The following KRT28 variants were observed in gnomAD, a reference collection of about 807,000 sequenced individuals.
KRT28 encodes keratin, type I cytoskeletal 28.
Under a neutral mutation model 48.1 loss-of-function variants are expected in KRT28, and 45 were observed. The observed-to-expected ratio is 0.94, with a 90% CI of 0.74 to 1.20. The LOEUF is 1.20. KRT28 is among the 50% of genes most tolerant of loss of function. The pLI is 0.00. For missense variants in KRT28, 571 were observed against 574.1 expected, an observed-to-expected ratio of 0.99 and a Z score of 0.06; for synonymous variants, 228 against 227.4, an observed-to-expected ratio of 1.00 and a Z score of -0.03.
chr17:40,792,321 G>T lies in KRT28; in HGVS notation c.*106C>A. 1.1e-6 allele frequency: 1 copy of T among 880,788 alleles called. No homozygotes were observed. Among genetic ancestry groups the T allele is most frequent in the Middle Eastern group, 3.5e-4 (1 of 2,870 alleles). 54.6% of individuals were successfully genotyped at this position (880,788 alleles called of 1,614,324 possible). ...CTAAGAAAACAGGTATTTTTGCTAA[G>T]TAATGTATCTTTAAAAGTAAAAAGT... On this transcript the variant is annotated 3_prime_UTR_variant, in exon 8 of 8. Transcript: ENST00000306658.
intron 1 of KRT28, 23 bp from the exon 2 acceptor site, chr17:40,799,022 A>C (rs7224150): frequency 0.21 from 280,897 of 1,338,022 alleles, 31,689 homozygotes; most frequent in Non-Finnish European, 0.23. Context: ...AAAACAGAGA[A>C]CACAACAAGT....
At chr17:40,794,178 G>A (rs1307639584) in intron 5 of KRT28, 132 bp from the exon 6 acceptor site, 3 of 1,063,154 alleles carry the variant, frequency 2.8e-6, no homozygotes, top group African/African-American at 3.2e-5. Context: ...ACAATCAAAT[G>A]GGAAAGAAAG....
At chr17:40,796,118 C>A (rs1054298760) in intron 5 of KRT28, among the ~76,000 whole-genome samples, 3 of 152,220 alleles carry the variant, frequency 2.0e-5, no homozygotes, top group Non-Finnish European at 4.4e-5. Context: ...TGGCTCACTG[C>A]ACTCACTTGG....
rs1904558896 is a variant in KRT28, at chr17:40,794,196, G to A, written c.979-150C>T. ...ATCAAATGGGAAAGAAAGGAGGCTG[G>A]CATTTATGAAGTGAGGGCCAGGCAT... On this transcript the variant is annotated intron_variant, in intron 5 of 7. Transcript: ENST00000306658. The A allele has an allele frequency of 2.1e-5, 20 of 975,514 alleles. No homozygotes were observed. In the South Asian group the frequency reaches 3.3e-4, roughly 16 times the overall value. 60.4% of individuals were successfully genotyped at this position (975,514 alleles called of 1,614,324 possible). A position where few individuals can be genotyped will look rare whatever the true frequency, so the allele number is the denominator to read the frequency against.
rs200021509 is a variant in KRT28 at position 40,798,333 on chromosome 17, G to T, written c.592C>A (p.Arg198=). The T allele has an allele frequency of 6.2e-7, 1 of 1,613,130 alleles. No individual in the cohort carries two copies. Among genetic ancestry groups the T allele is most frequent in the Non-Finnish European group, 8.5e-7 (1 of 1,179,496 alleles). ...CAGAGCGTCAGCTCGTCCAGGACTC[G>T]CCGTAATCCGTTGATGTCGGCCTCT... The part of the protein sequence containing the change: ...NVEADINGLR[R]VLDELTLCRT... The change falls in exon 3 of 8, where the codon CGA becomes AGA. Residue 198 remains arginine (R), a synonymous_variant. Transcript: ENST00000306658.
chr17:40,797,066 C>A, intron 4 of KRT28, 25 bp from the exon 5 acceptor site: 1 of 1,610,182 alleles, frequency 6.2e-7, no homozygotes, highest in Non-Finnish European at 8.5e-7. Flanking sequence ...AAAAGGGTCA[C>A]ACGGAGTCCC....
chr17:40,793,882 G>C lies in KRT28; in HGVS notation c.1143C>G (p.Val381=). Reference sequence around the variant, plus strand: ...AGGTCTCAATTTCTTTTTCCAAGTGGACCTTGACATCGAGGAGATGCTCAT... The same window carrying C: ...AGGTCTCAATTTCTTTTTCCAAGTGCACCTTGACATCGAGGAGATGCTCAT... ...LEYEHLLDVK[V]HLEKEIETYC... Residue 381 remains valine (V), a synonymous_variant, in exon 6 of 8, where the codon GTC becomes GTG. Coordinates refer to ENST00000306658, the MANE Select transcript of KRT28 (RefSeq NM_181535.3). 6.2e-7 allele frequency: 1 copy of C among 1,613,836 alleles called. No homozygotes were observed.
At chr17:40,797,078 A>AC (rs779390617) in intron 4 of KRT28, 37 bp from the exon 5 acceptor site, 3 of 1,610,118 alleles carry the variant, frequency 1.9e-6, no homozygotes, top group Non-Finnish European at 2.5e-6. Context: ...CGGAGTCCCC[A>AC]CCCCCGGGGA....
chr17:40,797,071 A>T (rs1471321694), intron 4 of KRT28, 30 bp from the exon 5 acceptor site: 1 of 1,610,640 alleles, frequency 6.2e-7, no homozygotes, highest in South Asian at 1.1e-5. Flanking sequence ...GGTCACACGG[A>T]GTCCCCACCC....
chr17:40,799,101 T>G, intron 1 of KRT28, 102 bp from the exon 2 acceptor site: 1 of 711,884 alleles, frequency 1.4e-6, no homozygotes, highest in Non-Finnish European at 2.3e-6. Flanking sequence ...GCATAAAAAT[T>G]TCACCTCCTT....
intron 5 of KRT28, among the ~76,000 whole-genome samples, chr17:40,795,913 T>C (rs1319899192): frequency 2.0e-5 from 3 of 151,944 alleles, no homozygotes; most frequent in Non-Finnish European, 4.4e-5. Flanking sequence ...GAGCCCACAG[T>C]GGCAGGGGTG....
chr17:40,796,860 T>C, intron 5 of KRT28, 56 bp downstream of exon 5: 1 of 1,521,282 alleles, frequency 6.6e-7, no homozygotes, highest in African/African-American at 1.4e-5. Context: ...GAGGGAAGTG[T>C]TTCTCGGAGG....
chr17:40,797,107 G>C lies in KRT28; in HGVS notation c.852+13C>G. 2 of 1,613,156 alleles carry C rather than the reference G, an allele frequency of 1.2e-6. No homozygotes were observed. The highest frequency in any genetic ancestry group is 1.7e-4 in the Middle Eastern group (1 of 6,052). ...CCGGGGAGGTGTGAGCAGGGAGACGGGGCCCACCTCACCTTCTCATTGAAC... is the reference window on the plus strand; with the variant it reads ...CCGGGGAGGTGTGAGCAGGGAGACGCGGCCCACCTCACCTTCTCATTGAAC... On this transcript the variant is annotated intron_variant, in intron 4 of 7. Coordinates refer to ENST00000306658, the MANE Select transcript of KRT28 (RefSeq NM_181535.3).
chr17:40,794,898 A>G (rs558773381), intron 5 of KRT28, among the ~76,000 whole-genome samples: 1 of 152,316 alleles, frequency 6.6e-6, no homozygotes, highest in African/African-American at 2.4e-5. Flanking sequence ...AGATTTATTA[A>G]GAGAAGATGC....
chr17:40,797,111 C>A lies in KRT28; in HGVS notation c.852+9G>T. The A allele has an allele frequency of 6.2e-7, 1 of 1,613,138 alleles. No homozygotes were observed. The highest frequency in any genetic ancestry group is 8.5e-7 in the Non-Finnish European group (1 of 1,179,412). ...GGAGGTGTGAGCAGGGAGACGGGGC[C>A]CACCTCACCTTCTCATTGAACCAGG... On this transcript the variant is annotated intron_variant, in intron 4 of 7. Coordinates refer to ENST00000306658, the MANE Select transcript of KRT28 (RefSeq NM_181535.3).
intron 7 of KRT28, 51 bp from the exon 8 acceptor site, chr17:40,792,620 C>A: frequency 7.5e-7 from 1 of 1,330,912 alleles, no homozygotes; most frequent in Admixed American, 2.0e-5. Flanking sequence ...GATTACATGA[C>A]AATTCCACTG....
chr17:40,795,685 T>C (rs912117729), intron 5 of KRT28, among the ~76,000 whole-genome samples: 1 of 152,200 alleles, frequency 6.6e-6, no homozygotes, highest in Admixed American at 6.5e-5. Flanking sequence ...GCCCAAATTA[T>C]AGTACCACTG....
chr17:40,798,259 T>G lies in KRT28; in HGVS notation c.666A>C (p.Thr222=). Residue 222 remains threonine (T), a synonymous_variant, in exon 3 of 8, where the codon ACA becomes ACC. Coordinates refer to ENST00000306658, the MANE Select transcript of KRT28 (RefSeq NM_181535.3). The part of the protein sequence containing the change: ...LQYESLSEEM[T]YLKKNHEEEM... ...CCTCTTCGTGGTTCTTTTTGAGATA[T>G]GTCATCTCCTCACTCAGAGACTCAT... is the stretch of plus-strand genomic sequence containing the variant. 6 of 1,608,056 alleles carry G rather than the reference T, an allele frequency of 3.7e-6. No homozygotes were observed. The highest frequency in any genetic ancestry group is 5.1e-6 in the Non-Finnish European group (6 of 1,174,886).
chr17:40,799,914 C>T lies in KRT28; in HGVS notation c.-21G>A. On this transcript the variant is annotated 5_prime_UTR_variant, in exon 1 of 8. The change creates a new upstream start codon in the 5' untranslated region. Transcript: ENST00000306658. ...GACATGGTGTTTTGAGAAATGTTCA[C>T]CTTGTCTATGCAAAACTGTAATGTC... 1 of 1,571,374 alleles carries T rather than the reference C, an allele frequency of 6.4e-7. No homozygotes were observed. Among genetic ancestry groups the T allele is most frequent in the Non-Finnish European group, 8.7e-7 (1 of 1,149,960 alleles).
Sources: allele counts gnomAD v4.1 joint callset (sites outside exome capture counted in the v4.1 genomes callset), GRCh38; gene constraint gnomAD v4.1.1; transcripts MANE v1.5; gene names NCBI Gene and HGNC (gene_info 2026-07-23, HGNC 2026-07-21).